Variants in GAB1 observed in about 807,000 individuals in gnomAD.
The protein encoded by GAB1 is GRB2-associated-binding protein 1.
Under a neutral mutation model 66.5 loss-of-function variants are expected in GAB1, and 19 were observed. That is an observed-to-expected ratio of 0.29 (90% CI 0.20 to 0.42). The LOEUF (loss-of-function observed/expected upper bound fraction) is 0.42. Ranked by LOEUF, GAB1 falls within the 10% of genes least tolerant of loss-of-function variation. The probability of loss-of-function intolerance (pLI) is 1.00; values close to 1 mark genes in which losing one functional copy is unlikely to be tolerated. For synonymous variants in GAB1, 294 were observed against 301.4 expected (o/e 0.98, Z 0.25); for missense variants, 732 against 858.5 (o/e 0.85, Z 1.84).
intron 2 of GAB1, among the ~76,000 whole-genome samples, chr4:143,426,192 T>C (rs1733346808): frequency 6.6e-6 from 1 of 152,118 alleles, no homozygotes; most frequent in African/African-American, 2.4e-5. Context: ...GCTCAGAGTT[T>C]TTGAGGAGCA....
chr4:143,458,326 A>G (rs1735303800), intron 6 of GAB1, among the ~76,000 whole-genome samples: 2 of 152,132 alleles, frequency 1.3e-5, no homozygotes, highest in East Asian at 1.9e-4. Flanking sequence ...GGTCTTCATT[A>G]TATGTGAGTT....
chr4:143,460,020 G>A (rs1024552493), intron 7 of GAB1, among the ~76,000 whole-genome samples: 1 of 143,360 alleles, frequency 7.0e-6, no homozygotes, highest in African/African-American at 2.5e-5. Context: ...ATATGTTCAT[G>A]TTTCGTGTGT....
chr4:143,366,928 GCCATTCCTTCTTTAAGGA>G (rs1229394452), intron 1 of GAB1, among the ~76,000 whole-genome samples: 1 of 151,940 alleles, frequency 6.6e-6, no homozygotes, highest in Non-Finnish European at 1.5e-5. Flanking sequence ...GTGGTTGGGT[GCCATTCCTTCTTTAAGGA>G]CTATCTCAAA....
intron 1 of GAB1, chr4:143,391,333 A>G (rs1731176621): frequency 6.6e-6 from 1 of 152,200 alleles, no homozygotes. Context: ...ACTTCAAATC[A>G]AGGTAAACCT....
chr4:143,439,011 C>T (rs1734087370), intron 4 of GAB1, among the ~76,000 whole-genome samples: 1 of 152,280 alleles, frequency 6.6e-6, no homozygotes, highest in Middle Eastern at 3.4e-3. Flanking sequence ...CTATTTCCTT[C>T]CTTCCTATAT....
intron 2 of GAB1, among the ~76,000 whole-genome samples, chr4:143,427,651 A>G (rs915884984): frequency 1.3e-5 from 2 of 152,156 alleles, no homozygotes; most frequent in African/African-American, 4.8e-5. Context: ...GGTTTGGGAA[A>G]TTAACTTTTC....
At chr4:143,426,047 T>C in intron 2 of GAB1, 1 of 583,652 alleles carries the variant, frequency 1.7e-6, no homozygotes, top group Non-Finnish European at 3.0e-6. Flanking sequence ...GGTGTTAGAG[T>C]TTGTTAGATG....
intron 1 of GAB1, among the ~76,000 whole-genome samples, chr4:143,413,873 G>A (rs1358729417): frequency 2.3e-5 from 3 of 132,106 alleles, no homozygotes; most frequent in Non-Finnish European, 4.6e-5. Flanking sequence ...TTCTGTCCAG[G>A]CTGGAGCGCA....
intron 1 of GAB1, among the ~76,000 whole-genome samples, chr4:143,382,293 A>G (rs1318882802): frequency 4.6e-5 from 7 of 152,204 alleles, no homozygotes; most frequent in Admixed American, 4.6e-4. Flanking sequence ...TTGTTTAGGT[A>G]TTATAGATAT....
chr4:143,432,159 C>G (rs568536752), intron 2 of GAB1, among the ~76,000 whole-genome samples: 120 of 152,278 alleles, frequency 7.9e-4, no homozygotes, highest in African/African-American at 2.8e-3. Flanking sequence ...TTGGCCTTAG[C>G]CACTGCTGTC....
At chr4:143,345,341 C>G (rs1444866406) in intron 1 of GAB1, among the ~76,000 whole-genome samples, 1 of 152,070 alleles carries the variant, frequency 6.6e-6, no homozygotes, top group Non-Finnish European at 1.5e-5. Flanking sequence ...AGGTAGTTCT[C>G]TTAAGTTATG....
chr4:143,438,028 C>T lies in GAB1; in HGVS notation c.623C>T (p.Ser208Phe). The T allele has an allele frequency of 6.2e-7, 1 of 1,613,756 alleles. No homozygotes were observed. Among genetic ancestry groups the T allele is most frequent in the Non-Finnish European group, 8.5e-7 (1 of 1,179,748 alleles). The change falls in exon 4 of 10, where the codon TCT (serine) becomes TTT (phenylalanine). Residue 208 changes from serine to phenylalanine, a missense_variant. Around this residue, in one of 4 missense-constraint regions of GAB1, gnomAD observed 427 missense variants for 420.6 expected, o/e 1.02. Transcript: ENST00000262994. ...CATGCTGATTCTGCAAAATCCACCT[C>T]TTCTGAAACAGACTGCAATGATAAC... Reference protein sequence around the residue: ...RTHADSAKSTSSETDCNDNVP... With the variant: ...RTHADSAKSTFSETDCNDNVP...
chr4:143,395,838 G>A (rs1731423172), intron 1 of GAB1: 1 of 453,858 alleles, frequency 2.2e-6, no homozygotes, highest in South Asian at 1.6e-5. Context: ...AACAAAATGA[G>A]GAGTAAGTGA....
chr4:143,422,386 T>C (rs1733077097), intron 2 of GAB1, among the ~76,000 whole-genome samples: 1 of 152,188 alleles, frequency 6.6e-6, no homozygotes, highest in Non-Finnish European at 1.5e-5. Flanking sequence ...AAAATAAATG[T>C]ATTTGGTCTC....
At chr4:143,379,818 G>A (rs1474439479) in intron 1 of GAB1, among the ~76,000 whole-genome samples, 1 of 151,746 alleles carries the variant, frequency 6.6e-6, no homozygotes, top group Non-Finnish European at 1.5e-5. Flanking sequence ...GAACTCCTGG[G>A]CTCAAGCTAT....
intron 8 of GAB1, among the ~76,000 whole-genome samples, chr4:143,462,236 A>T (rs965632476): frequency 6.6e-6 from 1 of 152,116 alleles, no homozygotes; most frequent in Non-Finnish European, 1.5e-5. Flanking sequence ...GAGTTCTATT[A>T]TTATTATTTA....
At chr4:143,389,569 TTATGCA>T (rs1233752772) in intron 1 of GAB1, among the ~76,000 whole-genome samples, 9 of 152,210 alleles carry the variant, frequency 5.9e-5, no homozygotes, top group Non-Finnish European at 1.0e-4. Context: ...TTCTTGTGGT[TTATGCA>T]TTTTGAAGTT....
At chr4:143,359,685 G>T (rs1729590652) in intron 1 of GAB1, among the ~76,000 whole-genome samples, 1 of 152,126 alleles carries the variant, frequency 6.6e-6, no homozygotes, top group Non-Finnish European at 1.5e-5. Context: ...TTATAATCAG[G>T]CCAGCCAAAG....
At chr4:143,391,719 A>G (rs1731197069) in intron 1 of GAB1, 1 of 152,210 alleles carries the variant, frequency 6.6e-6, no homozygotes, top group Non-Finnish European at 1.5e-5. Context: ...CATTGAGATT[A>G]TCTGATTTGT....
Sources: allele counts gnomAD v4.1 joint callset (sites outside exome capture counted in the v4.1 genomes callset), GRCh38; gene constraint gnomAD v4.1.1; regional missense constraint gnomAD v4.1.1; transcripts MANE v1.5; gene names NCBI Gene and HGNC (gene_info 2026-07-23, HGNC 2026-07-21).